MAN1C1: variants seen among roughly 807,000 people sequenced by gnomAD.
MAN1C1 encodes the protein mannosidase alpha class 1C member 1.
In MAN1C1, 49 loss-of-function variants were observed where a neutral mutation model predicts 71.5. The ratio of observed to expected loss-of-function variants is 0.69; its 90% CI spans 0.54 to 0.87. The LOEUF (loss-of-function observed/expected upper bound fraction) is 0.87, where lower values mean the gene tolerates loss of function less well. MAN1C1 is among the 40% of genes least tolerant of loss of function. MAN1C1 has a pLI of 0.00. For missense variants in MAN1C1, 743 were observed against 835.0 expected, an observed-to-expected ratio of 0.89 and a Z score of 1.36; for synonymous variants, 352 against 343.7, an observed-to-expected ratio of 1.02 and a Z score of -0.27.
intron 1 of MAN1C1, among the ~76,000 whole-genome samples, chr1:25,685,303 G>A (rs981276489): frequency 2.0e-5 from 3 of 152,218 alleles, no homozygotes; most frequent in African/African-American, 4.8e-5. Flanking sequence ...CGGCATCTCT[G>A]ATCTGGGAGC....
chr1:25,703,533 T>G (rs1363726223), intron 2 of MAN1C1, among the ~76,000 whole-genome samples: 2 of 151,984 alleles, frequency 1.3e-5, no homozygotes, highest in African/African-American at 4.8e-5. Flanking sequence ...AATACAAAAT[T>G]AGCCAGGTGT....
intron 1 of MAN1C1, among the ~76,000 whole-genome samples, chr1:25,624,373 C>T (rs778253359): frequency 1.7e-4 from 26 of 151,732 alleles, no homozygotes; most frequent in Admixed American, 6.6e-5. Context: ...AGACCACAGC[C>T]TCAGTGTGGG....
chr1:25,639,188 CA>C (rs1328959990), intron 1 of MAN1C1, among the ~76,000 whole-genome samples: 1 of 152,084 alleles, frequency 6.6e-6, no homozygotes, highest in African/African-American at 2.4e-5. Flanking sequence ...TTAGAATTTC[CA>C]TTTGGACTTT....
At chr1:25,715,155 G>A (rs943831505) in intron 2 of MAN1C1, among the ~76,000 whole-genome samples, 1 of 152,160 alleles carries the variant, frequency 6.6e-6, no homozygotes, top group Non-Finnish European at 1.5e-5. Flanking sequence ...TGTGTCTGGT[G>A]CAGAAGAGCT....
chr1:25,777,026 G>A (rs986498250), intron 8 of MAN1C1, among the ~76,000 whole-genome samples: 5 of 152,196 alleles, frequency 3.3e-5, no homozygotes, highest in African/African-American at 1.2e-4. Flanking sequence ...AACCTGATGA[G>A]TCTGTGCCCC....
chr1:25,646,021 C>T (rs1433202285), intron 1 of MAN1C1: 1 of 152,350 alleles, frequency 6.6e-6, no homozygotes, highest in Non-Finnish European at 1.5e-5. Context: ...GCCTATCCCC[C>T]AGGGTAGCAG....
intron 1 of MAN1C1, among the ~76,000 whole-genome samples, chr1:25,676,429 A>G (rs2046069568): frequency 6.6e-6 from 1 of 152,138 alleles, no homozygotes; most frequent in African/African-American, 2.4e-5. Flanking sequence ...CACTGGGGTC[A>G]CCAACCAGGT....
chr1:25,734,811 T>C (rs2046959373), intron 2 of MAN1C1, among the ~76,000 whole-genome samples: 1 of 152,218 alleles, frequency 6.6e-6, no homozygotes, highest in South Asian at 2.1e-4. Context: ...ACTCCCTGCC[T>C]GGAATGGACT....
rs33932251 is a variant in MAN1C1, at chr1:25,690,288, C to CTTTTT, written c.637+3770_637+3774dup. Among the ~76,000 whole-genome samples, 316 of 119,726 alleles carry CTTTTT rather than the reference C, an allele frequency of 2.6e-3. 7 individuals carry two copies. Among genetic ancestry groups the CTTTTT allele is most frequent in the African/African-American group, 8.2e-3 (226 of 27,480 alleles). The allele number at this position is 119,726 out of a possible 152,430, so 78.5% of individuals were successfully genotyped here. On this transcript the variant is annotated intron_variant, in intron 2 of 11. Transcript: ENST00000374332. ...CTCAGGCTAAGGCTGATCTCTGCCT[C>CTTTTT]TTTTTTTTTTTTTTTTTTTTTTGAG...
chr1:25,664,938 A>C (rs2045899839), intron 1 of MAN1C1, among the ~76,000 whole-genome samples: 1 of 152,204 alleles, frequency 6.6e-6, no homozygotes, highest in South Asian at 2.1e-4. Context: ...AGCAGACCTC[A>C]CAAGCAAGGC....
At chr1:25,740,376 T>TG (rs2047043924) in intron 2 of MAN1C1, among the ~76,000 whole-genome samples, 1 of 152,064 alleles carries the variant, frequency 6.6e-6, no homozygotes, top group Non-Finnish European at 1.5e-5. Flanking sequence ...ATGGGAGCCA[T>TG]GGGGGGTTTC....
At chr1:25,745,439 G>A (rs1325400128) in intron 2 of MAN1C1, among the ~76,000 whole-genome samples, 3 of 151,948 alleles carry the variant, frequency 2.0e-5, no homozygotes, top group African/African-American at 7.3e-5. Context: ...GGTAGTCAGT[G>A]GGTCATACCA....
intron 2 of MAN1C1, among the ~76,000 whole-genome samples, chr1:25,729,564 T>A (rs1374241204): frequency 6.6e-6 from 1 of 150,410 alleles, no homozygotes; most frequent in Non-Finnish European, 1.5e-5. Context: ...CAGGCTGGAG[T>A]GCAATGGCAT....
At chr1:25,766,519 G>T (rs945608036) in intron 7 of MAN1C1, among the ~76,000 whole-genome samples, 4 of 152,188 alleles carry the variant, frequency 2.6e-5, no homozygotes, top group Non-Finnish European at 4.4e-5. Context: ...GCAGCCTAGA[G>T]AAACGAAGGA....
intron 1 of MAN1C1, among the ~76,000 whole-genome samples, chr1:25,671,038 A>C (rs1322369668): frequency 6.6e-6 from 1 of 152,070 alleles, no homozygotes; most frequent in East Asian, 1.9e-4. Flanking sequence ...CACCATGCCC[A>C]GTTAATTTTT....
intron 2 of MAN1C1, among the ~76,000 whole-genome samples, chr1:25,740,523 G>A (rs962094689): frequency 7.2e-5 from 11 of 152,076 alleles, no homozygotes; most frequent in African/African-American, 2.7e-4. Flanking sequence ...TGCAAGCTCC[G>A]CCTCCCGAGT....
At position 25,764,090 on chromosome 1, in the gene MAN1C1, CAT is replaced by C; in HGVS notation, c.1141+124_1141+125del. 1.3e-6 allele frequency: 1 copy of C among 775,282 alleles called. No homozygotes were observed. The highest frequency in any genetic ancestry group is 2.1e-6 in the Non-Finnish European group (1 of 466,792). The allele number at this position is 775,282 out of a possible 1,614,324, so 48.0% of individuals were successfully genotyped here. On this transcript the variant is annotated intron_variant, in intron 7 of 11. Transcript: ENST00000374332. The surrounding 1 kb of genome is among the most constrained non-coding windows in gnomAD (Gnocchi z 4.4). ...TGTCAGAGCCATGCAGCCAGCAAGG[CAT>C]TCGCTCGGTGCTCCTGGACACCACC...
intron 1 of MAN1C1, among the ~76,000 whole-genome samples, chr1:25,654,978 G>A (rs1248211325): frequency 1.3e-5 from 2 of 152,164 alleles, no homozygotes; most frequent in African/African-American, 4.8e-5. Context: ...CCAAAGTGCT[G>A]TAGAGTTCAC....
chr1:25,757,767 G>C (rs2047308576), intron 5 of MAN1C1, among the ~76,000 whole-genome samples: 2 of 152,216 alleles, frequency 1.3e-5, no homozygotes, highest in Non-Finnish European at 1.5e-5. Context: ...CAGTGTCCTT[G>C]TTCCCTATCC....
Sources: gnomAD v4.1 joint callset for allele counts (sites outside exome capture counted in the v4.1 genomes callset) on GRCh38, gnomAD v4.1.1 for gene constraint, Gnocchi (gnomAD v3.1) non-coding constraint, MANE v1.5 for transcripts, NCBI Gene and HGNC (gene_info 2026-07-23, HGNC 2026-07-21) for gene names.